TMEM164: variants seen among roughly 807,000 people sequenced by gnomAD.
TMEM164 encodes RP13-360B22.2.
A neutral mutation model predicts 18.8 loss-of-function variants in TMEM164; 4 were observed. The ratio of observed to expected loss-of-function variants is 0.21; its 90% confidence interval spans 0.10 to 0.49. TMEM164 has a LOEUF of 0.49. Ranked by LOEUF, TMEM164 falls within the 20% of genes least tolerant of loss-of-function variation. TMEM164 has a pLI of 0.98. For missense variants in TMEM164, 108 were observed against 239.9 expected (o/e 0.45, Z 3.63); for synonymous variants, 86 against 101.7 (o/e 0.85, Z 0.93).
At chrX:110,070,051 C>T (rs1464021150) in intron 3 of TMEM164, among the ~76,000 whole-genome samples, 3 of 111,792 alleles carry the variant, frequency 2.7e-5, no homozygotes, top group Non-Finnish European at 5.6e-5. Flanking sequence ...CACGGTGGCT[C>T]ACGCCTGTAA....
At chrX:110,172,953 A>C (rs1392164120) in intron 6 of TMEM164, among the ~76,000 whole-genome samples, 2 of 112,043 alleles carry the variant, frequency 1.8e-5, no homozygotes, top group Non-Finnish European at 3.8e-5. Flanking sequence ...GGGTCTAGGC[A>C]CATAGTAGAT....
At chrX:110,181,608 G>A (rs1433644451), downstream of TMEM164, among the ~76,000 whole-genome samples, 1 of 113,412 alleles carries the variant, frequency 8.8e-6, no homozygotes, top group Non-Finnish European at 1.9e-5. Context: ...TTGTCCTGTA[G>A]TAGTCAAACC....
At chrX:110,098,614 T>TTTG (rs778141204) in intron 3 of TMEM164, among the ~76,000 whole-genome samples, 2 of 111,924 alleles carry the variant, frequency 1.8e-5, no homozygotes, top group Non-Finnish European at 1.9e-5. Flanking sequence ...TATTGTCTTT[T>TTTG]TTGTTGTTGT....
chrX:110,146,033 A>G (rs946274952), intron 5 of TMEM164, among the ~76,000 whole-genome samples: 5 of 112,413 alleles, frequency 4.4e-5, no homozygotes, highest in African/African-American at 1.3e-4. Flanking sequence ...TTTGCTGTAA[A>G]AGCACTATTT....
chrX:110,168,968 A>G (rs1379054530), intron 5 of TMEM164, among the ~76,000 whole-genome samples: 1 of 112,574 alleles, frequency 8.9e-6, no homozygotes, highest in Non-Finnish European at 1.9e-5. Context: ...AACATTGTGA[A>G]TTAGGCAGTG....
chrX:110,022,155 A>G (rs1053158758), intron 2 of TMEM164, among the ~76,000 whole-genome samples: 5 of 111,609 alleles, frequency 4.5e-5, no homozygotes, highest in Non-Finnish European at 9.4e-5. Context: ...AATAGTTGAG[A>G]AGACTGGATT....
intron 3 of TMEM164, among the ~76,000 whole-genome samples, chrX:110,084,474 A>C (rs902215215): frequency 1.2e-3 from 70 of 60,457 alleles, no homozygotes; most frequent in Non-Finnish European, 2.3e-3. Context: ...GTATATATAT[A>C]TATAGAGAGA....
chrX:110,028,387 A>G (rs1934303269), intron 2 of TMEM164, among the ~76,000 whole-genome samples: 1 of 111,712 alleles, frequency 9.0e-6, no homozygotes, highest in Non-Finnish European at 1.9e-5. Flanking sequence ...TTTCTCCTTC[A>G]TATTTTCTTT....
intron 2 of TMEM164, among the ~76,000 whole-genome samples, chrX:110,036,914 A>C (rs961524285): frequency 9.0e-6 from 1 of 110,638 alleles, no homozygotes; most frequent in African/African-American, 3.3e-5. Flanking sequence ...TTTTCATTTT[A>C]CTAATTTTAA....
chrX:110,052,854 G>A (rs898798295), intron 2 of TMEM164, among the ~76,000 whole-genome samples: 7 of 104,977 alleles, frequency 6.7e-5, no homozygotes, highest in Admixed American at 4.2e-4. Flanking sequence ...AGGTTCAAGC[G>A]ATTCTCCTGC....
At chrX:110,114,559 A>G (rs1379518513) in intron 4 of TMEM164, among the ~76,000 whole-genome samples, 1 of 112,023 alleles carries the variant, frequency 8.9e-6, no homozygotes, top group East Asian at 2.8e-4. Context: ...TTTCAGTTAC[A>G]GTACTCACGT....
chrX:110,169,396 C>G (rs775411263), intron 5 of TMEM164, among the ~76,000 whole-genome samples: 1 of 111,475 alleles, frequency 9.0e-6, no homozygotes, highest in African/African-American at 3.3e-5. Flanking sequence ...ATTTTCCCCC[C>G]ACTCTCCTCC....
chrX:110,069,831 T>C (rs1447080345), intron 3 of TMEM164, among the ~76,000 whole-genome samples: 1 of 111,619 alleles, frequency 9.0e-6, no homozygotes, highest in Non-Finnish European at 1.9e-5. Flanking sequence ...TTAAGATAGT[T>C]TTCTTGAAGA....
At chrX:110,085,764 A>G (rs1036132206) in intron 3 of TMEM164, among the ~76,000 whole-genome samples, 1 of 111,768 alleles carries the variant, frequency 8.9e-6, no homozygotes, top group Non-Finnish European at 1.9e-5. Flanking sequence ...AGCCTCCCAC[A>G]TGTGTTACTA....
At chrX:110,017,309 C>T in intron 2 of TMEM164, among the ~76,000 whole-genome samples, 1 of 112,324 alleles carries the variant, frequency 8.9e-6, no homozygotes, top group Non-Finnish European at 1.9e-5. Context: ...TTTCTTCTTG[C>T]TCACTATTAG....
intron 2 of TMEM164, among the ~76,000 whole-genome samples, chrX:110,012,973 C>G (rs1388631874): frequency 9.0e-6 from 1 of 111,691 alleles, no homozygotes; most frequent in Non-Finnish European, 1.9e-5. Flanking sequence ...ATTGCAGGAG[C>G]CAGGAGGTCA....
At chrX:110,183,291 CA>C (rs776667449), downstream of TMEM164, among the ~76,000 whole-genome samples, 19 of 112,256 alleles carry the variant, frequency 1.7e-4, no homozygotes, top group Non-Finnish European at 2.6e-4. Flanking sequence ...AAAACCAAAC[CA>C]ACCAATCAGT....
intron 2 of TMEM164, among the ~76,000 whole-genome samples, chrX:110,020,984 A>G (rs1468335933): frequency 1.8e-4 from 19 of 107,628 alleles, no homozygotes; most frequent in South Asian, 1.2e-3. Flanking sequence ...AAAAAAAAAA[A>G]AAAAAAAAAA....
At chrX:110,099,980 G>A (rs749808379) in intron 3 of TMEM164, among the ~76,000 whole-genome samples, 1 of 112,151 alleles carries the variant, frequency 8.9e-6, no homozygotes, top group African/African-American at 3.2e-5. Context: ...TTTCAAAAAT[G>A]TTGCTTTTCA....
Sources: gnomAD v4.1 joint callset for allele counts (sites outside exome capture counted in the v4.1 genomes callset) on GRCh38, gnomAD v4.1.1 for gene constraint, MANE v1.5 for transcripts, NCBI Gene and HGNC (gene_info 2026-07-23, HGNC 2026-07-21) for gene names.